ZNF573: variants seen among roughly 807,000 people sequenced by gnomAD.
ZNF573 encodes the protein zinc finger protein 573.
Under a neutral mutation model 57.4 loss-of-function variants are expected in ZNF573, and 41 were observed. The ratio of observed to expected loss-of-function variants is 0.71; its 90% CI spans 0.56 to 0.93. The LOEUF is 0.93. ZNF573 is among the 40% of genes least tolerant of loss of function. The pLI, the probability that ZNF573 is intolerant of heterozygous loss-of-function variation, is 0.00. For missense variants in ZNF573, 730 were observed against 794.8 expected, an observed-to-expected ratio of 0.92 and a Z score of 0.98; for synonymous variants, 249 against 261.0, an observed-to-expected ratio of 0.95 and a Z score of 0.44.
At chr19:37,776,560 A>T (rs950597510) in intron 1 of ZNF573, among the ~76,000 whole-genome samples, 2 of 152,236 alleles carry the variant, frequency 1.3e-5, no homozygotes, top group Non-Finnish European at 2.9e-5. Flanking sequence ...AAACTCTTCT[A>T]CACATTGGCT....
Position 37,739,939 on chromosome 19 carries a change from T to C in ZNF573, c.551A>G (p.His184Arg), listed in dbSNP as rs1044376949. 5 of 1,614,082 alleles carry C rather than the reference T, an allele frequency of 3.1e-6. No individual in the cohort carries two copies. The highest frequency in any genetic ancestry group is 2.2e-5 in the East Asian group (1 of 44,898). Residue 184 changes from histidine (H) to arginine (R), a missense_variant, in exon 5 of 5, where the codon CAT becomes CGT. Transcript: ENST00000536220. ...ACATTCATAGGGTTTCTCACCAGTA[T>C]GAAATCTTTGATGTAGAGTAAGTTG... ...GYQLTLHQRF[H>R]TGEKPYECTE... is the part of the protein sequence containing the mutation.
At chr19:37,774,625 T>G (rs889122555) in intron 1 of ZNF573, among the ~76,000 whole-genome samples, 1 of 152,278 alleles carries the variant, frequency 6.6e-6, no homozygotes, top group Middle Eastern at 3.4e-3. Context: ...GGGAAACGTA[T>G]TTAATAAAAT....
intron 4 of ZNF573, among the ~76,000 whole-genome samples, chr19:37,741,929 T>C (rs890582215): frequency 1.3e-5 from 2 of 152,092 alleles, no homozygotes; most frequent in African/African-American, 4.8e-5. Flanking sequence ...GAAAACCCCA[T>C]CATCTCAGGC....
Position 37,739,639 on chromosome 19 carries a change from C to T in ZNF573, c.851G>A (p.Ser284Asn), listed in dbSNP as rs369985821. 2 of 1,613,864 alleles carry T rather than the reference C, an allele frequency of 1.2e-6. No homozygotes were observed. Among genetic ancestry groups the T allele is most frequent in the African/African-American group, 2.7e-5 (2 of 74,860 alleles). ...YKCKECGKTF[S>N]RRSNLVEHGQ... Reference sequence around the variant, plus strand: ...ATGTTCAACAAGATTTGAGCGCCTACTAAAAGTCTTCCCACATTCCTTACA... The same window carrying T: ...ATGTTCAACAAGATTTGAGCGCCTATTAAAAGTCTTCCCACATTCCTTACA... The change falls in exon 5 of 5, where the codon AGT becomes AAT. Residue 284 changes from serine (S) to asparagine (N), a missense_variant. Ser to Asn is a conservative substitution (Grantham distance 46, BLOSUM62 1). Coordinates refer to ENST00000536220, the MANE Select transcript of ZNF573 (RefSeq NM_001172690.2).
At position 37,773,668 on chromosome 19, in the gene ZNF573, A is replaced by T; in HGVS notation, c.62T>A (p.Met21Lys). 1 of 1,535,332 alleles carries T rather than the reference A, an allele frequency of 6.5e-7. No individual in the cohort carries two copies. Among genetic ancestry groups the T allele is most frequent in the Non-Finnish European group, 8.7e-7 (1 of 1,146,330 alleles). The change falls in exon 2 of 5, where the codon ATG becomes AAG. Residue 21 changes from methionine to lysine, a missense_variant. Transcript: ENST00000536220. ...GLIRSYNSKTMTCFQELVTFR... is the reference protein window; with the variant it reads ...GLIRSYNSKTKTCFQELVTFR... ...CAGAATTAATCAACTTACACAGGTCATGGTTTTAGAATTGTAAGACCTGAT... is the reference window on the plus strand; with the variant it reads ...CAGAATTAATCAACTTACACAGGTCTTGGTTTTAGAATTGTAAGACCTGAT...
At chr19:37,752,456 T>G (rs940572568) in intron 4 of ZNF573, among the ~76,000 whole-genome samples, 2 of 152,172 alleles carry the variant, frequency 1.3e-5, no homozygotes, top group Non-Finnish European at 2.9e-5. Context: ...TCCTATTATA[T>G]GGATGAAACT....
In ZNF573 at chr19:37,740,121, T is replaced by C; in HGVS notation, c.369A>G (p.Gln123=). 6.2e-7 allele frequency: 1 copy of C among 1,613,664 alleles called. No individual in the cohort carries two copies. Among genetic ancestry groups the C allele is most frequent in the Non-Finnish European group, 8.5e-7 (1 of 1,179,688 alleles). ...PTYETDISST[Q]LQSIYKREKL... is the part of the protein sequence containing the mutation. ...TCTCTCTCTTATATATGCTCTGAAG[T>C]TGTGTAGAGGATATATCTGTTTCAT... Residue 123 remains glutamine (Q), a synonymous_variant, in exon 5 of 5, where the codon CAA becomes CAG. Coordinates refer to ENST00000536220, the MANE Select transcript of ZNF573 (RefSeq NM_001172690.2).
intron 4 of ZNF573, among the ~76,000 whole-genome samples, chr19:37,745,538 G>A (rs781254758): frequency 6.6e-6 from 1 of 152,044 alleles, no homozygotes; most frequent in Non-Finnish European, 1.5e-5. Flanking sequence ...TGGGATTATA[G>A]GTGCTTGCCA....
At position 37,739,012 on chromosome 19, in the gene ZNF573, G is replaced by C. The variant is rs2045292141; in HGVS notation, c.1478C>G (p.Thr493Ser). ...CTTACATTTATAGGGTTTCTCACCA[G>C]TATGAGTTTTCCGATGTTGAATAAG... Reference protein sequence around the residue: ...SNLIQHRKTHTGEKPYKCKEC... With the variant: ...SNLIQHRKTHSGEKPYKCKEC... The change falls in exon 5 of 5, where the codon ACT becomes AGT. Residue 493 changes from threonine to serine, a missense_variant. By Grantham distance (58) the Thr-to-Ser change is moderately conservative. Transcript: ENST00000536220. 1 of 1,613,488 alleles carries C rather than the reference G, an allele frequency of 6.2e-7. No homozygotes were observed. Among genetic ancestry groups the C allele is most frequent in the African/African-American group, 1.3e-5 (1 of 74,856 alleles).
intron 4 of ZNF573, among the ~76,000 whole-genome samples, chr19:37,744,459 C>T (rs894576260): frequency 6.6e-6 from 1 of 152,018 alleles, no homozygotes; most frequent in Non-Finnish European, 1.5e-5. Context: ...GAGTCAGGGA[C>T]TGGAGTGGTG....
intron 2 of ZNF573, among the ~76,000 whole-genome samples, chr19:37,772,705 C>A (rs1007485158): frequency 2.0e-5 from 3 of 151,612 alleles, no homozygotes; most frequent in Admixed American, 1.3e-4. Flanking sequence ...ACAATCACTG[C>A]TCACTGCAGC....
intron 4 of ZNF573, among the ~76,000 whole-genome samples, chr19:37,764,478 G>A (rs1009037508): frequency 5.9e-5 from 9 of 151,566 alleles, no homozygotes; most frequent in African/African-American, 9.7e-5. Context: ...GTGCCACCAC[G>A]CCCAGCTAAT....
At chr19:37,740,252 C>G in intron 4 of ZNF573, 58 bp from the exon 5 acceptor site, 1 of 1,425,394 alleles carries the variant, frequency 7.0e-7, no homozygotes, top group Non-Finnish European at 9.4e-7. Context: ...GAACAAGAAA[C>G]TTTATGCAAC....
chr19:37,754,447 G>A (rs935910628), intron 4 of ZNF573, among the ~76,000 whole-genome samples: 11 of 151,430 alleles, frequency 7.3e-5, no homozygotes, highest in Middle Eastern at 6.8e-3. Context: ...TTGAACCCGG[G>A]GGGCAGAGGT....
chr19:37,750,477 T>G (rs1168464013), intron 4 of ZNF573, among the ~76,000 whole-genome samples: 1 of 152,056 alleles, frequency 6.6e-6, no homozygotes, highest in Non-Finnish European at 1.5e-5. Flanking sequence ...ATATAATTGA[T>G]AAGAGATAAA....
At chr19:37,748,675 C>A (rs1283017384) in intron 4 of ZNF573, among the ~76,000 whole-genome samples, 1 of 151,912 alleles carries the variant, frequency 6.6e-6, no homozygotes, top group East Asian at 1.9e-4. Context: ...CATGCCTTAA[C>A]CCCAGCACTT....
At chr19:37,759,734 T>A (rs999205695) in intron 4 of ZNF573, among the ~76,000 whole-genome samples, 2 of 151,552 alleles carry the variant, frequency 1.3e-5, no homozygotes, top group African/African-American at 2.4e-5. Flanking sequence ...TCTCAAAAAA[T>A]AAATAAATAA....
chr19:37,748,697 G>A (rs1280995833), intron 4 of ZNF573, among the ~76,000 whole-genome samples: 1 of 152,108 alleles, frequency 6.6e-6, no homozygotes, highest in African/African-American at 2.4e-5. Flanking sequence ...GGGAGGCCAA[G>A]GCAGGCGGAT....
intron 3 of ZNF573, 52 bp from the exon 4 acceptor site, chr19:37,770,149 G>T: frequency 1.5e-6 from 2 of 1,367,492 alleles, no homozygotes; most frequent in African/African-American, 1.5e-5. Flanking sequence ...AAAAGTAACA[G>T]AAACCTTTGA....
Sources: allele counts gnomAD v4.1 joint callset (sites outside exome capture counted in the v4.1 genomes callset), GRCh38; gene constraint gnomAD v4.1.1; transcripts MANE v1.5; gene names NCBI Gene and HGNC (gene_info 2026-07-23, HGNC 2026-07-21).